The following GON4L variants were observed in gnomAD, a reference collection of about 807,000 sequenced individuals.
The protein encoded by GON4L is GON-4-like protein.
Under a neutral mutation model 211.8 loss-of-function variants are expected in GON4L, and 87 were observed. The ratio of observed to expected loss-of-function variants is 0.41; its 90% CI spans 0.35 to 0.49. GON4L has a LOEUF of 0.49. Ranked by LOEUF, GON4L falls within the 20% of genes least tolerant of loss-of-function variation. The pLI is 0.15. For missense variants in GON4L, 2,155 were observed against 2,659.5 expected (o/e 0.81, Z 4.17); for synonymous variants, 875 against 962.6 (o/e 0.91, Z 1.68).
At chr1:155,763,009 C>T (rs1263569723) in intron 22 of GON4L, among the ~76,000 whole-genome samples, 2 of 151,190 alleles carry the variant, frequency 1.3e-5, no homozygotes, top group Non-Finnish European at 2.9e-5. Context: ...GCACTCCAGC[C>T]TGGGCGACAG....
downstream of GON4L, chr1:155,748,027 G>T: frequency 1.2e-6 from 2 of 1,607,688 alleles, no homozygotes; most frequent in Non-Finnish European, 1.7e-6. Flanking sequence ...TTGGTCTCGT[G>T]CACCTGACTG....
chr1:155,818,742 C>T (rs1218680461), intron 6 of GON4L, among the ~76,000 whole-genome samples: 1 of 152,174 alleles, frequency 6.6e-6, no homozygotes, highest in East Asian at 1.9e-4. Flanking sequence ...GTGGCTCACG[C>T]CTGTAATCCT....
chr1:155,805,958 G>A (rs1480275825), intron 10 of GON4L, among the ~76,000 whole-genome samples: 2 of 150,410 alleles, frequency 1.3e-5, no homozygotes, highest in East Asian at 2.0e-4. Flanking sequence ...CAAAGTGTTC[G>A]GATTACAGCT....
intron 2 of GON4L, among the ~76,000 whole-genome samples, chr1:155,827,975 T>C (rs1051755186): frequency 1.1e-4 from 16 of 152,064 alleles, no homozygotes; most frequent in African/African-American, 3.6e-4. Context: ...CATTTGGAGA[T>C]ACCTTGTCTC....
chr1:155,820,463 A>C (rs1292500697), intron 6 of GON4L, 143 bp downstream of exon 6: 1 of 683,704 alleles, frequency 1.5e-6, no homozygotes, highest in African/African-American at 1.8e-5. Flanking sequence ...GATCATGTAG[A>C]AACAATTCTA....
At chr1:155,771,782 C>G (rs1375657785) in intron 18 of GON4L, among the ~76,000 whole-genome samples, 1 of 152,150 alleles carries the variant, frequency 6.6e-6, no homozygotes, top group Non-Finnish European at 1.5e-5. Flanking sequence ...CCTGGTCAAT[C>G]TACTTTTTGT....
At chr1:155,814,470 G>C in intron 8 of GON4L, 21 bp from the exon 9 acceptor site, 8 of 1,611,776 alleles carry the variant, frequency 5.0e-6, no homozygotes, top group East Asian at 2.2e-5. Context: ...AATCCAGTTC[G>C]CCTTAATATT....
chr1:155,764,936 A>G (rs370431227), intron 21 of GON4L, 64 bp downstream of exon 21: 34 of 1,612,790 alleles, frequency 2.1e-5, no homozygotes, highest in South Asian at 4.4e-5. Context: ...AGCAGGTGGC[A>G]TATCAATAAG....
intron 6 of GON4L, among the ~76,000 whole-genome samples, chr1:155,819,311 G>A (rs1003265161): frequency 2.0e-5 from 3 of 151,314 alleles, no homozygotes; most frequent in African/African-American, 4.9e-5. Flanking sequence ...AATAAAAAGG[G>A]GGGGAGAAAT....
At chr1:155,772,946 CT>C in intron 18 of GON4L, 119 bp downstream of exon 18, 3 of 1,349,988 alleles carry the variant, frequency 2.2e-6, no homozygotes, top group Non-Finnish European at 3.2e-6. Context: ...ATTGCTTTTC[CT>C]TTTGTCTTTT....
chr1:155,754,903 CTTTTTTTTTTT>C lies in GON4L; in HGVS notation c.5518-426_5518-416del, dbSNP rs112004109. ...CAACACAGCCCACCCTCTCCCCATG[CTTTTTTTTTTT>C]TTTTTTTTTTGAGATAAGGTCTGGC... is the stretch of plus-strand genomic sequence containing the variant. On this transcript the variant is annotated intron_variant, in intron 27 of 31. Coordinates refer to ENST00000368331, the MANE Select transcript of GON4L (RefSeq NM_001282860.2). Among the ~76,000 whole-genome samples the C allele has an allele frequency of 7.6e-3, 791 of 104,582 alleles. 7 individuals are homozygous for C. Among genetic ancestry groups the C allele is most frequent in the African/African-American group, 0.028 (747 of 26,840 alleles). 68.6% of individuals were successfully genotyped at this position (104,582 alleles called of 152,430 possible). A position where few individuals can be genotyped will look rare whatever the true frequency, so the allele number is the denominator to read the frequency against.
chr1:155,773,034 T>C (rs778872542), intron 18 of GON4L, 32 bp downstream of exon 18: 2 of 1,611,018 alleles, frequency 1.2e-6, no homozygotes, highest in Non-Finnish European at 1.7e-6. Context: ...TGGGATGTTC[T>C]GCTGTTTTGA....
rs560430405 is a variant in GON4L at position 155,801,514 on chromosome 1, A to C, written c.1645+3435T>G. 2.0e-5 allele frequency among the ~76,000 whole-genome samples: 3 copies of C among 152,272 alleles called. No individual in the cohort carries two copies. In the East Asian group the frequency reaches 5.8e-4, roughly 29 times the overall value. On this transcript the variant is annotated intron_variant, in intron 11 of 31. Transcript: ENST00000368331. Reference sequence around the variant, plus strand: ...CTCTACTACAGAGGGTGGGTAAAAAAAAGAAATATGATAAGATTTAAAACA... The same window carrying C: ...CTCTACTACAGAGGGTGGGTAAAAACAAGAAATATGATAAGATTTAAAACA...
chr1:155,822,063 C>A (rs1021762392), intron 4 of GON4L, among the ~76,000 whole-genome samples: 2 of 152,170 alleles, frequency 1.3e-5, no homozygotes, highest in African/African-American at 4.8e-5. Flanking sequence ...AACAGTTTAT[C>A]TTTCCAATTA....
chr1:155,829,006 T>C (rs1457665013), intron 2 of GON4L, among the ~76,000 whole-genome samples: 1 of 152,120 alleles, frequency 6.6e-6, no homozygotes, highest in Non-Finnish European at 1.5e-5. Context: ...CTGAATTTTT[T>C]CCCTAGTTTG....
intron 10 of GON4L, among the ~76,000 whole-genome samples, chr1:155,809,799 A>C (rs182558061): frequency 2.5e-4 from 8 of 31,728 alleles, no homozygotes; most frequent in East Asian, 2.9e-3. Context: ...CTTATATATA[A>C]TTATAAATTA....
intron 12 of GON4L, among the ~76,000 whole-genome samples, chr1:155,788,547 A>G (rs559461812): frequency 5.3e-5 from 8 of 152,330 alleles, no homozygotes; most frequent in African/African-American, 1.9e-4. Flanking sequence ...TGCACAAAAA[A>G]GTTCAGCGCA....
At chr1:155,777,461 C>T (rs1377612467) in intron 15 of GON4L, among the ~76,000 whole-genome samples, 161 bp downstream of exon 15, 1 of 152,116 alleles carries the variant, frequency 6.6e-6, no homozygotes, top group Non-Finnish European at 1.5e-5. Context: ...TGCCTGTAAT[C>T]CCAGCTACTT....
At position 155,812,368 on chromosome 1, in the gene GON4L, C is replaced by G. The variant is rs1293805011; in HGVS notation, c.1452+1266G>C. Among the ~76,000 whole-genome samples the G allele has an allele frequency of 2.6e-5, 4 of 151,958 alleles. No homozygotes were observed. In the East Asian group the frequency reaches 5.8e-4, roughly 22 times the overall value. On this transcript the variant is annotated intron_variant, in intron 10 of 31. Transcript: ENST00000368331. Reference sequence around the variant, plus strand: ...TCAAAACTGTCAAGGTTATAAAAGACAAAGACTGAGAAACTGTTCCAGATT... The same window carrying G: ...TCAAAACTGTCAAGGTTATAAAAGAGAAAGACTGAGAAACTGTTCCAGATT...
Sources: gnomAD v4.1 joint callset for allele counts (sites outside exome capture counted in the v4.1 genomes callset) on GRCh38, gnomAD v4.1.1 for gene constraint, MANE v1.5 for transcripts, NCBI Gene and HGNC (gene_info 2026-07-23, HGNC 2026-07-21) for gene names.